Variants in SLC10A7 observed in about 807,000 individuals in gnomAD.
SLC10A7 encodes sodium/bile acid cotransporter 7.
In SLC10A7, 29 loss-of-function variants were observed where a neutral mutation model predicts 43.2. The observed-to-expected ratio is 0.67, with a 90% CI of 0.50 to 0.92. The LOEUF (loss-of-function observed/expected upper bound fraction) is 0.92, where lower values mean the gene tolerates loss of function less well. Among genes scored for constraint, SLC10A7 ranks in the 40% least tolerant of loss-of-function variants. The pLI, the probability that SLC10A7 is intolerant of heterozygous loss-of-function variation, is 0.00. For missense variants in SLC10A7, 295 were observed against 403.2 expected (o/e 0.73, Z 2.30); for synonymous variants, 152 against 144.8 (o/e 1.05, Z -0.35).
At chr4:146,300,399 A>G (rs1731081586) in intron 7 of SLC10A7, among the ~76,000 whole-genome samples, 1 of 152,230 alleles carries the variant, frequency 6.6e-6, no homozygotes, top group African/African-American at 2.4e-5. Flanking sequence ...ATGCCTATAA[A>G]GTGAGTGCAC....
intron 6 of SLC10A7, among the ~76,000 whole-genome samples, chr4:146,307,281 G>A (rs926258219): frequency 1.3e-5 from 2 of 152,114 alleles, no homozygotes; most frequent in Non-Finnish European, 2.9e-5. Context: ...ACCACTGGCT[G>A]TCTATTTAAC....
At chr4:146,377,164 A>G (rs1410141763) in intron 5 of SLC10A7, among the ~76,000 whole-genome samples, 2 of 152,176 alleles carry the variant, frequency 1.3e-5, no homozygotes, top group Non-Finnish European at 2.9e-5. Context: ...TTTGTTTTTA[A>G]GAGAAGTTAC....
At chr4:146,292,747 A>C (rs1021515298) in intron 9 of SLC10A7, among the ~76,000 whole-genome samples, 182 bp downstream of exon 9, 7 of 152,200 alleles carry the variant, frequency 4.6e-5, no homozygotes, top group Non-Finnish European at 7.3e-5. Flanking sequence ...GGCCAAGGAA[A>C]GACCCTTTGT....
intron 5 of SLC10A7, among the ~76,000 whole-genome samples, chr4:146,326,965 C>T (rs201864303): frequency 7.1e-5 from 6 of 84,794 alleles, no homozygotes; most frequent in African/African-American, 2.4e-4. Flanking sequence ...CACACACACA[C>T]ACAGAAAAAG....
chr4:146,322,742 T>C (rs1001309168), intron 6 of SLC10A7, among the ~76,000 whole-genome samples: 3 of 152,184 alleles, frequency 2.0e-5, no homozygotes, highest in African/African-American at 7.2e-5. Context: ...TACCCAGTAA[T>C]GGGATGGCTG....
At chr4:146,365,413 A>G (rs889042008) in intron 5 of SLC10A7, among the ~76,000 whole-genome samples, 1 of 152,248 alleles carries the variant, frequency 6.6e-6, no homozygotes, top group Non-Finnish European at 1.5e-5. Flanking sequence ...ATTTTAGTAC[A>G]GCATGGTTGA....
At chr4:146,334,735 G>C (rs1208428564) in intron 5 of SLC10A7, among the ~76,000 whole-genome samples, 1 of 151,386 alleles carries the variant, frequency 6.6e-6, no homozygotes, top group Non-Finnish European at 1.5e-5. Flanking sequence ...CAGAGGGTAG[G>C]TATCTCTTTA....
At chr4:146,303,168 C>T (rs1201974830) in intron 7 of SLC10A7, among the ~76,000 whole-genome samples, 1 of 152,072 alleles carries the variant, frequency 6.6e-6, no homozygotes. Context: ...GGGGTCATTC[C>T]GGCTCCAGAG....
At chr4:146,468,258 A>C (rs1733230346) in intron 4 of SLC10A7, among the ~76,000 whole-genome samples, 1 of 152,194 alleles carries the variant, frequency 6.6e-6, no homozygotes. Flanking sequence ...ATTATTAACT[A>C]TATCATCATC....
At chr4:146,468,651 A>G (rs1733273177) in intron 4 of SLC10A7, among the ~76,000 whole-genome samples, 1 of 151,794 alleles carries the variant, frequency 6.6e-6, no homozygotes, top group Non-Finnish European at 1.5e-5. Flanking sequence ...TAGTAGCGAC[A>G]GGGTTTTACC....
At chr4:146,325,906 A>G in intron 6 of SLC10A7, 55 bp downstream of exon 6, 4 of 1,478,246 alleles carry the variant, frequency 2.7e-6, no homozygotes, top group Non-Finnish European at 3.7e-6. Context: ...CCTTTCTTAA[A>G]GGGTTGTAGA....
intron 5 of SLC10A7, among the ~76,000 whole-genome samples, chr4:146,348,531 G>A (rs1032034807): frequency 3.9e-5 from 6 of 152,158 alleles, no homozygotes; most frequent in Non-Finnish European, 8.8e-5. Context: ...TTGAAAAAAT[G>A]ATTTGCTTTA....
chr4:146,412,768 A>T (rs1480526197), intron 5 of SLC10A7, among the ~76,000 whole-genome samples: 1 of 152,106 alleles, frequency 6.6e-6, no homozygotes, highest in African/African-American at 2.4e-5. Flanking sequence ...CAGTTGGGGG[A>T]GAAGAACTAG....
intron 4 of SLC10A7, among the ~76,000 whole-genome samples, chr4:146,464,664 C>A (rs1382104249): frequency 6.6e-6 from 1 of 151,520 alleles, no homozygotes; most frequent in Non-Finnish European, 1.5e-5. Context: ...AAAGTCATGC[C>A]ATTAAGAATA....
At chr4:146,492,819 T>A (rs1198055968) in intron 4 of SLC10A7, among the ~76,000 whole-genome samples, 1 of 152,096 alleles carries the variant, frequency 6.6e-6, no homozygotes, top group African/African-American at 2.4e-5. Context: ...ACAGAATATC[T>A]CCTCTCATTT....
chr4:146,501,550 G>C (rs527551512), intron 4 of SLC10A7, among the ~76,000 whole-genome samples: 1 of 152,288 alleles, frequency 6.6e-6, no homozygotes, highest in Admixed American at 6.5e-5. Context: ...TGAAAATGTT[G>C]TGTGTTCCAT....
At chr4:146,355,343 C>T (rs1392561337) in intron 5 of SLC10A7, among the ~76,000 whole-genome samples, 1 of 152,156 alleles carries the variant, frequency 6.6e-6, no homozygotes, top group African/African-American at 2.4e-5. Context: ...TATGAGATAT[C>T]ATCTCACACC....
chr4:146,521,532 A>G lies in SLC10A7; in HGVS notation c.100+86T>C, dbSNP rs967094069. 5.2e-6 allele frequency: 6 copies of G among 1,144,264 alleles called. No individual in the cohort carries two copies. In the African/African-American group the frequency reaches 9.4e-5, roughly 18 times the overall value. 70.9% of individuals were successfully genotyped at this position (1,144,264 alleles called of 1,614,324 possible). A position where few individuals can be genotyped will look rare whatever the true frequency, so the allele number is the denominator to read the frequency against. ...CCCCCTGAAATTGGCAAGCGCTTGCAATGAGGGTTGCCCCACCTTTCCAAG... is the reference window on the plus strand; with the variant it reads ...CCCCCTGAAATTGGCAAGCGCTTGCGATGAGGGTTGCCCCACCTTTCCAAG... On this transcript the variant is annotated intron_variant, in intron 1 of 11. Transcript: ENST00000335472.
intron 5 of SLC10A7, among the ~76,000 whole-genome samples, chr4:146,434,651 C>T (rs916612927): frequency 6.6e-6 from 1 of 152,210 alleles, no homozygotes; most frequent in Non-Finnish European, 1.5e-5. Flanking sequence ...GCAACCTCCA[C>T]CTCCTGGGTC....
Sources: allele counts gnomAD v4.1 joint callset (sites outside exome capture counted in the v4.1 genomes callset), GRCh38; gene constraint gnomAD v4.1.1; transcripts MANE v1.5; gene names NCBI Gene and HGNC (gene_info 2026-07-23, HGNC 2026-07-21).